ZNF429: variants seen among roughly 807,000 people sequenced by gnomAD.
ZNF429 encodes zinc finger protein 429.
In ZNF429, 53 loss-of-function variants were observed where a neutral mutation model predicts 56.8. The observed-to-expected ratio is 0.93, with a 90% CI of 0.75 to 1.17. ZNF429 has a LOEUF of 1.17. ZNF429 is among the 50% of genes most tolerant of loss of function. The pLI is 0.00. For missense variants in ZNF429, 849 were observed against 788.4 expected (o/e 1.08, Z -0.92); for synonymous variants, 278 against 264.7 (o/e 1.05, Z -0.49).
intron 3 of ZNF429, 136 bp from the exon 4 acceptor site, chr19:21,536,144 A>G: frequency 1.1e-6 from 1 of 891,218 alleles, no homozygotes; most frequent in South Asian, 2.1e-5. Context: ...TTATATGTTT[A>G]TGAAGAAATT....
At chr19:21,507,172 T>A (rs2032217044) in intron 1 of ZNF429, among the ~76,000 whole-genome samples, 1 of 152,166 alleles carries the variant, frequency 6.6e-6, no homozygotes, top group Admixed American at 6.5e-5. Flanking sequence ...GATCTTCCCC[T>A]GCATTTTTCA....
At chr19:21,534,415 A>G in intron 3 of ZNF429, among the ~76,000 whole-genome samples, 9 of 137,672 alleles carry the variant, frequency 6.5e-5, no homozygotes, top group Admixed American at 1.5e-4. Context: ...TTACTCTGTC[A>G]CCCAGGTTGG....
At chr19:21,524,515 G>A (rs916289269) in intron 1 of ZNF429, among the ~76,000 whole-genome samples, 4 of 151,232 alleles carry the variant, frequency 2.6e-5, no homozygotes, top group Non-Finnish European at 5.9e-5. Context: ...GTGACAGAGC[G>A]AGACTCCATC....
Position 21,534,317 on chromosome 19 carries a change from T to G in ZNF429, c.227-1963T>G. ...GATTTTCCAGTTTTACTTTTGCTTT[T>G]AGTTCCTAGTTTTATTTAGTTTTGG... On this transcript the variant is annotated intron_variant, in intron 3 of 3. Transcript: ENST00000358491. Among the ~76,000 whole-genome samples the G allele has an allele frequency of 6.9e-5, 10 of 145,528 alleles. 1 individual carries two copies. Among genetic ancestry groups the G allele is most frequent in the African/African-American group, 2.5e-4 (10 of 39,380 alleles).
rs1452430335 is a variant in ZNF429 at position 21,538,619 on chromosome 19, A to C, written c.*541A>C. 1.3e-5 allele frequency: 2 copies of C among 152,054 alleles called. No individual in the cohort carries two copies. The highest frequency in any genetic ancestry group is 2.9e-5 in the Non-Finnish European group (2 of 68,056). The allele number at this position is 152,054 out of a possible 1,614,324, so 9.4% of individuals were successfully genotyped here. ...TGTCTAAAAAATATATAAATAAATA[A>C]AAGAAAGAAAATTCATAGTAGAGAG... On this transcript the variant is annotated 3_prime_UTR_variant, in exon 4 of 4. Transcript: ENST00000358491.
Position 21,536,489 on chromosome 19 carries a change from C to T in ZNF429, c.436C>T (p.His146Tyr). 6.2e-7 allele frequency: 1 copy of T among 1,613,182 alleles called. No individual in the cohort carries two copies. Among genetic ancestry groups the T allele is most frequent in the Non-Finnish European group, 8.5e-7 (1 of 1,179,606 alleles). Residue 146 changes from histidine to tyrosine, a missense_variant, in exon 4 of 4, where the codon CAC becomes TAC. Physicochemically the swap from His to Tyr is moderately conservative, Grantham distance 83 (BLOSUM62 2). Transcript: ENST00000358491. The part of the protein sequence containing the change: ...CLTLTQSKMY[H>Y]CDIYVKVFYA... ...GACACTTACCCAGAGCAAAATGTAT[C>T]ACTGTGATATATATGTAAAAGTCTT...
chr19:21,525,441 G>T (rs8110661), intron 1 of ZNF429, among the ~76,000 whole-genome samples: 2 of 152,094 alleles, frequency 1.3e-5, no homozygotes, highest in Non-Finnish European at 1.5e-5. Flanking sequence ...TCTACACAGG[G>T]TCCACTCTTT....
chr19:21,513,085 A>T (rs2032577498), intron 1 of ZNF429, among the ~76,000 whole-genome samples: 1 of 151,866 alleles, frequency 6.6e-6, no homozygotes, highest in East Asian at 1.9e-4. Flanking sequence ...GTCAGCCAGG[A>T]TGGTCTCGAT....
chr19:21,540,544 ACAACT>A lies in ZNF429; in HGVS notation c.*2470_*2474del, dbSNP rs969596622. The stretch of plus-strand genomic sequence containing the variant: ...TACTTGTAACATTTATCTTTTACAA[ACAACT>A]CAATTATGCACTTTTAGTTATTTTA... On this transcript the variant is annotated 3_prime_UTR_variant, in exon 4 of 4. Transcript: ENST00000358491. Among the ~76,000 whole-genome samples, 2 of 152,152 alleles carry A rather than the reference ACAACT, an allele frequency of 1.3e-5. No homozygotes were observed. Among genetic ancestry groups the A allele is most frequent in the African/African-American group, 2.4e-5 (1 of 41,460 alleles).
rs1264749608 is a variant in ZNF429 at position 21,536,667 on chromosome 19, A to G, written c.614A>G (p.Glu205Gly). The G allele has an allele frequency of 8.7e-6, 14 of 1,613,918 alleles. No homozygotes were observed. In the Admixed American group the frequency reaches 2.3e-4, roughly 27 times the overall value. The change falls in exon 4 of 4, where the codon GAA becomes GGA. Residue 205 changes from glutamate to glycine, a missense_variant. Coordinates refer to ENST00000358491, the MANE Select transcript of ZNF429 (RefSeq NM_001001415.4). ...HIRENTYRCK[E>G]FGNAFNQSSA... The stretch of plus-strand genomic sequence containing the variant: ...AGAGAGAATACCTACAGATGTAAAG[A>G]ATTTGGCAATGCCTTTAATCAGTCC...
chr19:21,536,658 G>C lies in ZNF429; in HGVS notation c.605G>C (p.Arg202Thr), dbSNP rs2033689522. The change falls in exon 4 of 4, where the codon AGA becomes ACA. Residue 202 changes from arginine to threonine, a missense_variant. Transcript: ENST00000358491. Reference protein sequence around the residue: ...KKIHIRENTYRCKEFGNAFNQ... With the variant: ...KKIHIRENTYTCKEFGNAFNQ... ...ATTCATATTAGAGAGAATACCTACA[G>C]ATGTAAAGAATTTGGCAATGCCTTT... The C allele has an allele frequency of 1.9e-6, 3 of 1,613,840 alleles. No individual in the cohort carries two copies. The highest frequency in any genetic ancestry group is 2.2e-5 in the East Asian group (1 of 44,842).
chr19:21,511,942 C>T (rs937701951), intron 1 of ZNF429, among the ~76,000 whole-genome samples: 2 of 152,074 alleles, frequency 1.3e-5, no homozygotes, highest in South Asian at 2.1e-4. Flanking sequence ...TCAGGCGTGG[C>T]GGTGCGCGCC....
Position 21,505,741 on chromosome 19 carries a change from T to G in ZNF429, c.-31T>G. The G allele has an allele frequency of 6.2e-7, 1 of 1,608,492 alleles. No individual in the cohort carries two copies. The highest frequency in any genetic ancestry group is 8.5e-7 in the Non-Finnish European group (1 of 1,176,414). On this transcript the variant is annotated 5_prime_UTR_variant, in exon 1 of 4. Coordinates refer to ENST00000358491, the MANE Select transcript of ZNF429 (RefSeq NM_001001415.4). ...CCGCAGATATTGGGAGATACACAGC[T>G]AAGACTCCAGGACCCCCTGGAAGCC... is the stretch of plus-strand genomic sequence containing the variant.
chr19:21,535,319 C>CTT lies in ZNF429; in HGVS notation c.227-959_227-958dup. The stretch of plus-strand genomic sequence containing the variant: ...TCCTTCTTTCTTTCTTTCTTTCTTT[C>CTT]TTTCTTTCTCTTTTCTTTTCTTTCC... On this transcript the variant is annotated intron_variant, in intron 3 of 3. Coordinates refer to ENST00000358491, the MANE Select transcript of ZNF429 (RefSeq NM_001001415.4). 1.8e-3 allele frequency among the ~76,000 whole-genome samples: 236 copies of CTT among 134,532 alleles called. 26 individuals are homozygous for CTT. The highest frequency in any genetic ancestry group is 7.1e-3 in the African/African-American group (228 of 32,330). 88.3% of individuals were successfully genotyped at this position (134,532 alleles called of 152,430 possible).
rs938840806 is a variant in ZNF429 at position 21,509,041 on chromosome 19, A to G, written c.3+3267A>G. ...TACATTTTTTTTTTTTTTGAAATGGAGTCTTGCTCAAGGCTGGGGTGCAGT... is the reference window on the plus strand; with the variant it reads ...TACATTTTTTTTTTTTTTGAAATGGGGTCTTGCTCAAGGCTGGGGTGCAGT... On this transcript the variant is annotated intron_variant, in intron 1 of 3. Transcript: ENST00000358491. Among the ~76,000 whole-genome samples, 157 of 145,800 alleles carry G rather than the reference A, an allele frequency of 1.1e-3. 1 individual carries two copies. The highest frequency in any genetic ancestry group is 1.4e-3 in the Non-Finnish European group (93 of 66,736).
At chr19:21,507,865 T>A (rs967569201) in intron 1 of ZNF429, among the ~76,000 whole-genome samples, 1 of 152,184 alleles carries the variant, frequency 6.6e-6, no homozygotes, top group African/African-American at 2.4e-5. Flanking sequence ...TTTCCTTTCT[T>A]TGGGCCACAT....
intron 1 of ZNF429, among the ~76,000 whole-genome samples, chr19:21,524,063 T>A (rs946475319): frequency 6.6e-6 from 1 of 152,128 alleles, no homozygotes; most frequent in East Asian, 1.9e-4. Context: ...CTTTTGAGAG[T>A]GTGGCTCTTT....
chr19:21,505,628 T>C lies in ZNF429; in HGVS notation c.-144T>C. On this transcript the variant is annotated 5_prime_UTR_variant, in exon 1 of 4. Transcript: ENST00000358491. ...CGGTTTCCGGAATATGGCGGGGCGTTTGGCTCTTGCTGCAGCCAGAGCTCC... is the reference window on the plus strand; with the variant it reads ...CGGTTTCCGGAATATGGCGGGGCGTCTGGCTCTTGCTGCAGCCAGAGCTCC... 1 of 750,354 alleles carries C rather than the reference T, an allele frequency of 1.3e-6. No individual in the cohort carries two copies. The highest frequency in any genetic ancestry group is 2.0e-6 in the Non-Finnish European group (1 of 489,342). 46.5% of individuals were successfully genotyped at this position (750,354 alleles called of 1,614,324 possible).
chr19:21,537,992 G>T lies in ZNF429; in HGVS notation c.1939G>T (p.Val647Leu). The change falls in exon 4 of 4, where the codon GTG (valine) becomes TTG (leucine). Residue 647 changes from valine (V) to leucine (L), a missense_variant. By Grantham distance (32) the Val-to-Leu change is conservative. Transcript: ENST00000358491. ...ACATAAGAAAATTCATAGGATGGGT[G>T]TGGTGGCTCATGCCTGTAATCCCAG... ...TQHKKIHRMG[V>L]VAHACNPSTL... 2 of 1,613,766 alleles carry T rather than the reference G, an allele frequency of 1.2e-6. No homozygotes were observed. The highest frequency in any genetic ancestry group is 1.7e-6 in the Non-Finnish European group (2 of 1,179,914).
Sources: allele counts gnomAD v4.1 joint callset (sites outside exome capture counted in the v4.1 genomes callset), GRCh38; gene constraint gnomAD v4.1.1; transcripts MANE v1.5; gene names NCBI Gene and HGNC (gene_info 2026-07-23, HGNC 2026-07-21).